ITPR2: variants seen among roughly 807,000 people sequenced by gnomAD.
ITPR2 encodes the protein inositol 1,4,5-trisphosphate-gated calcium channel ITPR2.
ITPR2 carries 207 observed loss-of-function variants against 317.1 expected under a neutral mutation model. The ratio of observed to expected loss-of-function variants is 0.65; its 90% CI spans 0.58 to 0.73. The LOEUF is 0.73. Ranked by LOEUF, ITPR2 falls within the 30% of genes least tolerant of loss-of-function variation. The pLI, the probability that ITPR2 is intolerant of heterozygous loss-of-function variation, is 0.00. For missense variants in ITPR2, 2,613 were observed against 3,284.0 expected (o/e 0.80, Z 4.99); for synonymous variants, 1,156 against 1,149.1 (o/e 1.01, Z -0.12).
chr12:26,470,948 T>C (rs965443245), intron 45 of ITPR2, among the ~76,000 whole-genome samples: 1 of 152,194 alleles, frequency 6.6e-6, no homozygotes, highest in Non-Finnish European at 1.5e-5. Flanking sequence ...TCATGGTACA[T>C]TCAAATGAAG....
intron 32 of ITPR2, among the ~76,000 whole-genome samples, chr12:26,588,279 C>A (rs1945589423): frequency 6.6e-6 from 1 of 152,090 alleles, no homozygotes; most frequent in African/African-American, 2.4e-5. Flanking sequence ...GCCTGGCACA[C>A]TCCAATATTT....
rs1315729787 is a variant in ITPR2 at position 26,589,847 on chromosome 12, T to TACAC, written c.4380+5617_4380+5618insGTGT. The stretch of plus-strand genomic sequence containing the variant: ...AAATAAATAAACATATATATATATA[T>TACAC]ATATATACACACACACACACACACA... On this transcript the variant is annotated intron_variant, in intron 32 of 56. Coordinates refer to ENST00000381340, the MANE Select transcript of ITPR2 (RefSeq NM_002223.4). Among the ~76,000 whole-genome samples the TACAC allele has an allele frequency of 4.7e-4, 17 of 36,086 alleles. No homozygotes were observed. The South Asian group carries it at 4.9e-3, about 10-fold the overall frequency. The allele number at this position is 36,086 out of a possible 152,430, so 23.7% of individuals were successfully genotyped here.
chr12:26,829,546 T>G (rs950390985), intron 1 of ITPR2, among the ~76,000 whole-genome samples: 5 of 152,134 alleles, frequency 3.3e-5, no homozygotes, highest in Non-Finnish European at 7.4e-5. Flanking sequence ...CTCCGTCTGT[T>G]GCCCAGGCTG....
At chr12:26,746,505 G>A (rs1047428605) in intron 2 of ITPR2, among the ~76,000 whole-genome samples, 2 of 152,142 alleles carry the variant, frequency 1.3e-5, no homozygotes, top group Non-Finnish European at 2.9e-5. Flanking sequence ...AGTGTGTCCT[G>A]CCTCTTAGCG....
intron 21 of ITPR2, among the ~76,000 whole-genome samples, chr12:26,644,991 C>G (rs1314742636): frequency 6.6e-6 from 1 of 152,176 alleles, no homozygotes; most frequent in Non-Finnish European, 1.5e-5. Flanking sequence ...GCTCAGCCCC[C>G]TCACCCTAAT....
chr12:26,418,961 T>TAA (rs201165707), intron 50 of ITPR2, 88 bp downstream of exon 50: 80 of 987,116 alleles, frequency 8.1e-5, no homozygotes, highest in Middle Eastern at 2.4e-4. Context: ...AGGCTTTGCT[T>TAA]AAAAAAAAAA....
intron 45 of ITPR2, among the ~76,000 whole-genome samples, chr12:26,463,879 A>G (rs1942103946): frequency 6.6e-6 from 1 of 152,066 alleles, no homozygotes; most frequent in African/African-American, 2.4e-5. Flanking sequence ...TCTCTTCTTG[A>G]TGTAAGGTCC....
At chr12:26,718,855 A>C (rs1948787109) in intron 5 of ITPR2, among the ~76,000 whole-genome samples, 2 of 151,954 alleles carry the variant, frequency 1.3e-5, no homozygotes, top group Non-Finnish European at 2.9e-5. Context: ...CAGGTGATTC[A>C]CCTGCCTCAG....
chr12:26,358,507 A>T (rs1022803599), intron 55 of ITPR2, among the ~76,000 whole-genome samples: 1 of 151,816 alleles, frequency 6.6e-6, no homozygotes, highest in South Asian at 2.1e-4. Flanking sequence ...TTCTCTCTTT[A>T]TTTCTTACCC....
intron 13 of ITPR2, among the ~76,000 whole-genome samples, chr12:26,678,055 C>A (rs1172887526): frequency 1.3e-5 from 2 of 152,172 alleles, no homozygotes; most frequent in Non-Finnish European, 2.9e-5. Context: ...TGGCCAAGTG[C>A]CTGGCACATA....
chr12:26,737,693 C>T (rs1380555773), intron 2 of ITPR2, among the ~76,000 whole-genome samples: 4 of 152,006 alleles, frequency 2.6e-5, no homozygotes, highest in Admixed American at 6.6e-5. Context: ...TTTGGCATCT[C>T]GGTATTACAG....
chr12:26,390,943 G>C (rs540767600), intron 54 of ITPR2, among the ~76,000 whole-genome samples: 1 of 152,108 alleles, frequency 6.6e-6, no homozygotes, highest in Non-Finnish European at 1.5e-5. Flanking sequence ...TCTGTAATAC[G>C]GTAGAGGAAA....
chr12:26,813,791 C>A (rs956179855), intron 1 of ITPR2, among the ~76,000 whole-genome samples: 6 of 152,160 alleles, frequency 3.9e-5, no homozygotes, highest in African/African-American at 1.4e-4. Context: ...AGCCCCAGAA[C>A]AATGAACTGG....
chr12:26,763,544 G>A (rs1439083563), intron 2 of ITPR2, among the ~76,000 whole-genome samples: 1 of 152,122 alleles, frequency 6.6e-6, no homozygotes, highest in Admixed American at 6.5e-5. Flanking sequence ...TTATCTTTGT[G>A]GTGAAACGGG....
intron 36 of ITPR2, among the ~76,000 whole-genome samples, chr12:26,554,219 C>T (rs1454394724): frequency 1.3e-5 from 2 of 152,198 alleles, no homozygotes; most frequent in East Asian, 1.9e-4. Context: ...CAAAAATACA[C>T]GTGTTCCATA....
intron 45 of ITPR2, among the ~76,000 whole-genome samples, chr12:26,468,498 C>T (rs1942224269): frequency 6.6e-6 from 1 of 150,592 alleles, no homozygotes; most frequent in Admixed American, 6.6e-5. Context: ...TGCATTTTTG[C>T]CAGAAGTTAT....
At chr12:26,607,782 A>G (rs1210631604) in intron 26 of ITPR2, among the ~76,000 whole-genome samples, 1 of 152,102 alleles carries the variant, frequency 6.6e-6, no homozygotes, top group East Asian at 1.9e-4. Context: ...CCGTCCCAAG[A>G]CAAATAAAAT....
chr12:26,485,389 A>G (rs1308168557), intron 41 of ITPR2, among the ~76,000 whole-genome samples: 3 of 152,162 alleles, frequency 2.0e-5, no homozygotes, highest in African/African-American at 7.2e-5. Flanking sequence ...TATACACCCT[A>G]TACATCTATT....
intron 46 of ITPR2, among the ~76,000 whole-genome samples, chr12:26,439,683 T>C (rs1941439784): frequency 6.6e-6 from 1 of 152,214 alleles, no homozygotes; most frequent in Non-Finnish European, 1.5e-5. Context: ...GCCTTAAACA[T>C]AGCGCTTATG....
Sources: gnomAD v4.1 joint callset for allele counts (sites outside exome capture counted in the v4.1 genomes callset) on GRCh38, gnomAD v4.1.1 for gene constraint, MANE v1.5 for transcripts, NCBI Gene and HGNC (gene_info 2026-07-23, HGNC 2026-07-21) for gene names.